MCTP2: variants seen among roughly 807,000 people sequenced by gnomAD.
MCTP2 encodes multiple C2 and transmembrane domain containing 2.
In MCTP2, 132 loss-of-function variants were observed where a neutral mutation model predicts 111.6. The observed-to-expected ratio is 1.18, with a 90% CI of 1.03 to 1.37. The LOEUF is 1.37. MCTP2 is among the 40% of genes most tolerant of loss of function. The pLI, the probability that MCTP2 is intolerant of heterozygous loss-of-function variation, is 0.00. For missense variants in MCTP2, 1,183 were observed against 1,067.9 expected (o/e 1.11, Z -1.50); for synonymous variants, 395 against 387.7 (o/e 1.02, Z -0.22).
intron 1 of MCTP2, among the ~76,000 whole-genome samples, chr15:94,293,597 G>A (rs1292340233): frequency 6.6e-6 from 1 of 152,218 alleles, no homozygotes; most frequent in Non-Finnish European, 1.5e-5. Flanking sequence ...TCGGTGCCCA[G>A]CAGTCTGTCC....
At chr15:94,391,110 A>G (rs889272567) in intron 14 of MCTP2, among the ~76,000 whole-genome samples, 2 of 151,764 alleles carry the variant, frequency 1.3e-5, no homozygotes, top group African/African-American at 4.8e-5. Flanking sequence ...AATCAGAAGC[A>G]TGGGTCTTTA....
chr15:94,445,768 T>C (rs2084082106), intron 19 of MCTP2, among the ~76,000 whole-genome samples: 1 of 152,194 alleles, frequency 6.6e-6, no homozygotes, highest in South Asian at 2.1e-4. Flanking sequence ...ACACACTCAG[T>C]GAGAGATGAA....
chr15:94,286,209 T>G (rs558229019), intron 1 of MCTP2, among the ~76,000 whole-genome samples: 3 of 152,186 alleles, frequency 2.0e-5, no homozygotes, highest in Admixed American at 6.5e-5. Context: ...CATAATTAAA[T>G]GCACCAAGGT....
intron 17 of MCTP2, chr15:94,402,778 G>GTATAT: frequency 7.1e-7 from 1 of 1,413,366 alleles, no homozygotes. Flanking sequence ...GCAAATCTTT[G>GTATAT]TATATTTGGT....
intron 17 of MCTP2, among the ~76,000 whole-genome samples, chr15:94,427,953 A>C (rs2082975958): frequency 6.6e-6 from 1 of 152,162 alleles, no homozygotes; most frequent in Non-Finnish European, 1.5e-5. Flanking sequence ...ATAGTATCGG[A>C]ATTCTTCAGA....
rs1035495020 is a variant in MCTP2, at chr15:94,414,577, A to G, written c.2085+12558A>G. On this transcript the variant is annotated intron_variant, in intron 17 of 22. Coordinates refer to ENST00000357742, the MANE Select transcript of MCTP2 (RefSeq NM_001385001.1). ...GAACAGGACGTGTTCATCAGGAAAT[A>G]GGTTATTGCCTGACTAGTGTGTCCT... 2.6e-5 allele frequency among the ~76,000 whole-genome samples: 4 copies of G among 152,198 alleles called. 1 individual carries two copies. Among genetic ancestry groups the G allele is most frequent in the Admixed American group, 2.6e-4 (4 of 15,270 alleles).
intron 2 of MCTP2, among the ~76,000 whole-genome samples, chr15:94,301,003 T>C (rs569532555): frequency 6.6e-6 from 1 of 152,276 alleles, no homozygotes; most frequent in East Asian, 1.9e-4. Context: ...GGCTATTTTA[T>C]CTTCTCCAGG....
chr15:94,361,101 T>TTTG (rs2078917224), intron 10 of MCTP2, among the ~76,000 whole-genome samples: 1 of 143,004 alleles, frequency 7.0e-6, no homozygotes, highest in African/African-American at 2.6e-5. Context: ...TTTTTTTTTT[T>TTTG]TTTTTTTTTT....
intron 1 of MCTP2, among the ~76,000 whole-genome samples, chr15:94,291,601 C>T (rs1377802119): frequency 7.2e-6 from 1 of 137,936 alleles, no homozygotes; most frequent in African/African-American, 2.7e-5. Flanking sequence ...AACTCTGTCT[C>T]AAAAAAGAAA....
intron 17 of MCTP2, among the ~76,000 whole-genome samples, chr15:94,411,316 A>G (rs2082142084): frequency 7.3e-6 from 1 of 137,926 alleles, no homozygotes; most frequent in African/African-American, 2.7e-5. Context: ...TTGCAGTCTG[A>G]GCTTTGTCAT....
At chr15:94,395,227 T>A (rs1034558382) in intron 14 of MCTP2, among the ~76,000 whole-genome samples, 1 of 152,228 alleles carries the variant, frequency 6.6e-6, no homozygotes, top group Non-Finnish European at 1.5e-5. Context: ...CCAACTAATA[T>A]GTCATGGTAT....
At chr15:94,370,414 A>G (rs10520751) in intron 12 of MCTP2, among the ~76,000 whole-genome samples, 5,997 of 152,308 alleles carry the variant, frequency 0.039, 419 homozygotes, top group African/African-American at 0.14. Context: ...ATTCAAATCT[A>G]TTGAGCTTCA....
Position 94,340,346 on chromosome 15 carries a change from C to T in MCTP2, c.857+71C>T, listed in dbSNP as rs2077568489. ...GAACTTACGATAATGTTAAATGGTG[C>T]TTGTTGAGGTCAAATGACAAAAATA... is the stretch of plus-strand genomic sequence containing the variant. On this transcript the variant is annotated intron_variant, in intron 6 of 22. Coordinates refer to ENST00000357742, the MANE Select transcript of MCTP2 (RefSeq NM_001385001.1). The T allele has an allele frequency of 2.1e-5, 23 of 1,102,494 alleles. No individual in the cohort carries two copies. In the Middle Eastern group the frequency reaches 8.0e-4, roughly 38 times the overall value. The allele number at this position is 1,102,494 out of a possible 1,614,324, so 68.3% of individuals were successfully genotyped here. A position where few individuals can be genotyped will look rare whatever the true frequency, so the allele number is the denominator to read the frequency against.
At position 94,338,138 on chromosome 15, in the gene MCTP2, T is replaced by G. The variant is rs982896879; in HGVS notation, c.638-1152T>G. ...CTAGACTATATTGGCTTGACGTTGC[T>G]ATCAGCAATTCATTTCAATAAATAT... On this transcript the variant is annotated intron_variant, in intron 4 of 22. Coordinates refer to ENST00000357742, the MANE Select transcript of MCTP2 (RefSeq NM_001385001.1). Among the ~76,000 whole-genome samples the G allele has an allele frequency of 7.9e-5, 12 of 152,338 alleles. No homozygotes were observed. In the East Asian group the frequency reaches 2.3e-3, roughly 29 times the overall value.
chr15:94,420,196 T>C (rs1430876979), intron 17 of MCTP2, among the ~76,000 whole-genome samples: 2 of 152,122 alleles, frequency 1.3e-5, no homozygotes, highest in Non-Finnish European at 2.9e-5. Flanking sequence ...ACTGTTGAGA[T>C]CTACTTCTCA....
chr15:94,336,971 A>G (rs1216011189), intron 4 of MCTP2, among the ~76,000 whole-genome samples: 2 of 152,044 alleles, frequency 1.3e-5, no homozygotes, highest in African/African-American at 4.8e-5. Flanking sequence ...CAAGAGCCTC[A>G]TTGTTTCTGA....
intron 19 of MCTP2, among the ~76,000 whole-genome samples, chr15:94,453,683 C>T (rs759712275): frequency 4.0e-5 from 6 of 151,138 alleles, no homozygotes; most frequent in South Asian, 2.1e-4. Flanking sequence ...TAAATAAAAA[C>T]ACAAAGATTA....
At chr15:94,474,921 G>T (rs537423362) in intron 21 of MCTP2, among the ~76,000 whole-genome samples, 7 of 151,588 alleles carry the variant, frequency 4.6e-5, no homozygotes, top group Non-Finnish European at 7.4e-5. Context: ...CCTCATTGGT[G>T]CATTTGAGCT....
intron 19 of MCTP2, among the ~76,000 whole-genome samples, chr15:94,457,113 A>G (rs1156524358): frequency 1.3e-5 from 2 of 152,214 alleles, no homozygotes; most frequent in Non-Finnish European, 2.9e-5. Flanking sequence ...CTAAAATTCT[A>G]TATAGGAAAA....
Sources: gnomAD v4.1 joint callset for allele counts (sites outside exome capture counted in the v4.1 genomes callset) on GRCh38, gnomAD v4.1.1 for gene constraint, MANE v1.5 for transcripts, NCBI Gene and HGNC (gene_info 2026-07-23, HGNC 2026-07-21) for gene names.